The following SLC38A9 variants were observed in gnomAD, a reference collection of about 807,000 sequenced individuals.
The protein encoded by SLC38A9 is solute carrier family 38 member 9, also known as neutral amino acid transporter 9.
A neutral mutation model predicts 62.3 loss-of-function variants in SLC38A9; 48 were observed. The observed-to-expected ratio is 0.77, with a 90% CI of 0.61 to 0.98. SLC38A9 has a LOEUF of 0.98. Ranked by LOEUF, SLC38A9 falls within the 50% of genes least tolerant of loss-of-function variation. SLC38A9 has a pLI of 0.00. For missense variants in SLC38A9, 541 were observed against 679.8 expected, an observed-to-expected ratio of 0.80 and a Z score of 2.27; for synonymous variants, 204 against 227.7, an observed-to-expected ratio of 0.90 and a Z score of 0.94.
intron 2 of SLC38A9, among the ~76,000 whole-genome samples, chr5:55,711,156 G>A (rs927091216): frequency 6.6e-6 from 1 of 151,822 alleles, no homozygotes; most frequent in Non-Finnish European, 1.5e-5. Context: ...AGCGGGGCGT[G>A]GTGGCGGGCA....
chr5:55,657,784 G>A (rs1748710729), intron 8 of SLC38A9, among the ~76,000 whole-genome samples: 1 of 152,190 alleles, frequency 6.6e-6, no homozygotes, highest in South Asian at 2.1e-4. Context: ...AAGGTGCTGG[G>A]TTAGGTTTTA....
chr5:55,697,827 T>C lies in SLC38A9; in HGVS notation c.113+19A>G, dbSNP rs759054216. 7.4e-7 allele frequency: 1 copy of C among 1,343,116 alleles called. No individual in the cohort carries two copies. The highest frequency in any genetic ancestry group is 1.5e-5 in the African/African-American group (1 of 68,218). 83.2% of individuals were successfully genotyped at this position (1,343,116 alleles called of 1,614,324 possible). A position where few individuals can be genotyped will look rare whatever the true frequency, so the allele number is the denominator to read the frequency against. ...TTAAAGACCCTAATTATGAAATGTGTTTTATTTTAAATGCTTACCTTTTGG... is the reference window on the plus strand; with the variant it reads ...TTAAAGACCCTAATTATGAAATGTGCTTTATTTTAAATGCTTACCTTTTGG... On this transcript the variant is annotated intron_variant, in intron 3 of 15. Coordinates refer to ENST00000396865, the MANE Select transcript of SLC38A9 (RefSeq NM_173514.4).
intron 8 of SLC38A9, among the ~76,000 whole-genome samples, chr5:55,664,405 T>C (rs967483619): frequency 6.6e-6 from 1 of 152,146 alleles, no homozygotes; most frequent in African/African-American, 2.4e-5. Flanking sequence ...CCAAATTCTT[T>C]AGTGAAACAA....
At position 55,649,331 on chromosome 5, in the gene SLC38A9, C is replaced by T. The variant is rs1173178931; in HGVS notation, c.953-17G>A. The T allele has an allele frequency of 7.1e-7, 1 of 1,411,482 alleles. No homozygotes were observed. Among genetic ancestry groups the T allele is most frequent in the East Asian group, 2.4e-5 (1 of 42,256 alleles). The allele number at this position is 1,411,482 out of a possible 1,614,324, so 87.4% of individuals were successfully genotyped here. The stretch of plus-strand genomic sequence containing the variant: ...ACACTGTGCCTGTGAGGAAAAAATT[C>T]AGAAACCATTTATTATCTTTGTGTG... On this transcript the variant is annotated splice_polypyrimidine_tract_variant and intron_variant, in intron 10 of 15. Transcript: ENST00000396865.
chr5:55,647,830 C>G (rs1746659223), intron 11 of SLC38A9, among the ~76,000 whole-genome samples: 1 of 152,152 alleles, frequency 6.6e-6, no homozygotes. Flanking sequence ...TCATGTTTCA[C>G]CTACTTGAAG....
chr5:55,640,529 G>C (rs961900877), intron 12 of SLC38A9, among the ~76,000 whole-genome samples: 2 of 152,108 alleles, frequency 1.3e-5, no homozygotes, highest in African/African-American at 4.8e-5. Flanking sequence ...CATTAAGAAC[G>C]CCCATCTCAG....
intron 12 of SLC38A9, among the ~76,000 whole-genome samples, chr5:55,639,706 T>G (rs139551021): frequency 1.9e-3 from 285 of 152,272 alleles, no homozygotes; most frequent in African/African-American, 6.6e-3. Flanking sequence ...ACAAAAAGTT[T>G]TTCTCAGAAT....
chr5:55,642,016 C>T (rs1295410360), intron 12 of SLC38A9, among the ~76,000 whole-genome samples: 1 of 152,192 alleles, frequency 6.6e-6, no homozygotes, highest in Non-Finnish European at 1.5e-5. Context: ...TAATCTAACT[C>T]ATTTTGAGCC....
intron 8 of SLC38A9, among the ~76,000 whole-genome samples, chr5:55,660,589 C>CT (rs1174352152): frequency 1.3e-5 from 2 of 152,088 alleles, no homozygotes; most frequent in African/African-American, 2.4e-5. Context: ...TGAATAAATT[C>CT]TATCTAAAAG....
Position 55,633,745 on chromosome 5 carries a change from A to G in SLC38A9, c.1430+9T>C. 1.2e-6 allele frequency: 2 copies of G among 1,614,160 alleles called. No individual in the cohort carries two copies. The highest frequency in any genetic ancestry group is 1.7e-6 in the Non-Finnish European group (2 of 1,180,016). ...GGCACATCCTGCTGGTCAAGAGAAGAGCCCTTACCTAGGATAAATGTCACC... is the reference window on the plus strand; with the variant it reads ...GGCACATCCTGCTGGTCAAGAGAAGGGCCCTTACCTAGGATAAATGTCACC... On this transcript the variant is annotated intron_variant, in intron 14 of 15. Coordinates refer to ENST00000396865, the MANE Select transcript of SLC38A9 (RefSeq NM_173514.4).
chr5:55,638,571 G>A (rs1380651217), intron 12 of SLC38A9, among the ~76,000 whole-genome samples: 1 of 152,138 alleles, frequency 6.6e-6, no homozygotes, highest in Non-Finnish European at 1.5e-5. Flanking sequence ...AGGCCCAGAA[G>A]TAGGTTTGGG....
rs145440934 is a variant in SLC38A9 at position 55,638,206 on chromosome 5, C to T, written c.1168-2549G>A. Among the ~76,000 whole-genome samples, 11 of 152,212 alleles carry T rather than the reference C, an allele frequency of 7.2e-5. No individual in the cohort carries two copies. In the East Asian group the frequency reaches 2.1e-3, roughly 29 times the overall value. On this transcript the variant is annotated intron_variant, in intron 12 of 15. Transcript: ENST00000396865. The stretch of plus-strand genomic sequence containing the variant: ...TAAAAGCAGCTGAGGTTTAGCATGA[C>T]ACTGGGAAACATGCCACTTATGAAC...
intron 8 of SLC38A9, among the ~76,000 whole-genome samples, chr5:55,662,479 G>A (rs6450335): frequency 0.6 from 90,844 of 151,674 alleles, 27,785 homozygotes; most frequent in South Asian, 0.7. Context: ...AGACCATCCT[G>A]GCCAACATGG....
rs3857287 is a variant in SLC38A9 at position 55,697,672 on chromosome 5, A to T, written c.113+174T>A. Among the ~76,000 whole-genome samples, 1,024 of 146,790 alleles carry T rather than the reference A, an allele frequency of 7.0e-3. 12 individuals are homozygous for T. The highest frequency in any genetic ancestry group is 0.023 in the East Asian group (112 of 4,962). On this transcript the variant is annotated intron_variant, in intron 3 of 15. Transcript: ENST00000396865. The stretch of plus-strand genomic sequence containing the variant: ...GTTTAGTGAAAAAAAAAAAAAAAAA[A>T]AAATATAAACCAGTAAATAGTATTC...
rs117458697 is a variant in SLC38A9 at position 55,702,905 on chromosome 5, A to G, written c.-34-4913T>C. The G allele has an allele frequency of 2.3e-4, 35 of 152,346 alleles. No homozygotes were observed. The East Asian group carries it at 6.6e-3, about 29-fold the overall frequency. 9.4% of individuals were successfully genotyped at this position (152,346 alleles called of 1,614,324 possible). The stretch of plus-strand genomic sequence containing the variant: ...ATTAGCTTAGTCCTACTAAAGACAA[A>G]CAAATAAAGTTAAATAAAAATATTA... On this transcript the variant is annotated intron_variant, in intron 2 of 15. Coordinates refer to ENST00000396865, the MANE Select transcript of SLC38A9 (RefSeq NM_173514.4).
chr5:55,710,086 G>GAAAAAA (rs11394301), intron 2 of SLC38A9, among the ~76,000 whole-genome samples: 1 of 118,896 alleles, frequency 8.4e-6, no homozygotes. Context: ...AAAAAAAAAA[G>GAAAAAA]AAAAAAAAAA....
intron 1 of SLC38A9, among the ~76,000 whole-genome samples, chr5:55,711,790 G>A (rs916978563): frequency 1.3e-5 from 2 of 152,120 alleles, no homozygotes; most frequent in Non-Finnish European, 2.9e-5. Flanking sequence ...AAGCGACGGA[G>A]CAAGACCCTA....
chr5:55,652,626 C>T lies in SLC38A9; in HGVS notation c.855G>A (p.Trp285Ter), dbSNP rs1421545245. ...DTGAQQFEKW[W>*]DKSRTVPFYL... ...AAAAGGGGACTGTCCTGGACTTATCCCACCACTTTTCAAACTGTTGGGCTC... is the reference window on the plus strand; with the variant it reads ...AAAAGGGGACTGTCCTGGACTTATCTCACCACTTTTCAAACTGTTGGGCTC... The change falls in exon 10 of 16, where the codon TGG (tryptophan) becomes TGA (stop). Residue 285 changes from tryptophan to a stop codon, truncating the protein, a stop_gained. Coordinates refer to ENST00000396865, the MANE Select transcript of SLC38A9 (RefSeq NM_173514.4). LOFTEE classifies it high-confidence loss of function. 6.2e-7 allele frequency: 1 copy of T among 1,613,650 alleles called. No individual in the cohort carries two copies. The highest frequency in any genetic ancestry group is 2.2e-5 in the East Asian group (1 of 44,854).
chr5:55,644,840 T>C (rs897153773), intron 12 of SLC38A9, among the ~76,000 whole-genome samples: 15 of 152,046 alleles, frequency 9.9e-5, no homozygotes, highest in African/African-American at 2.4e-4. Context: ...TAGCATTAGG[T>C]ATATCTCCTA....
Sources: gnomAD v4.1 joint callset for allele counts (sites outside exome capture counted in the v4.1 genomes callset) on GRCh38, gnomAD v4.1.1 for gene constraint, MANE v1.5 for transcripts, NCBI Gene and HGNC (gene_info 2026-07-23, HGNC 2026-07-21) for gene names.